The following ARNT variants were observed in gnomAD, a reference collection of about 807,000 sequenced individuals.
The protein encoded by ARNT is aryl hydrocarbon receptor nuclear translocator.
ARNT carries 30 observed loss-of-function variants against 105.0 expected under a neutral mutation model. The observed-to-expected ratio is 0.29, with a 90% CI of 0.21 to 0.39. The LOEUF (loss-of-function observed/expected upper bound fraction) is 0.39, where lower values mean the gene tolerates loss of function less well. Ranked by LOEUF, ARNT falls within the 10% of genes least tolerant of loss-of-function variation. The pLI, the probability that ARNT is intolerant of heterozygous loss-of-function variation, is 1.00. For synonymous variants in ARNT, 304 were observed against 344.0 expected, an observed-to-expected ratio of 0.88 and a Z score of 1.29; for missense variants, 748 against 978.7, an observed-to-expected ratio of 0.76 and a Z score of 3.15.
intron 1 of ARNT, among the ~76,000 whole-genome samples, chr1:150,864,259 A>T (rs1666153864): frequency 6.6e-6 from 1 of 152,108 alleles, no homozygotes. Flanking sequence ...ATCTTATGGG[A>T]CCACCATCAT....
At chr1:150,815,229 G>A (rs763397458) in intron 19 of ARNT, among the ~76,000 whole-genome samples, 5 of 151,868 alleles carry the variant, frequency 3.3e-5, no homozygotes, top group East Asian at 3.9e-4. Context: ...TTTATTGTGC[G>A]TTATATTATA....
intron 1 of ARNT, chr1:150,861,101 A>G: frequency 6.1e-6 from 1 of 164,912 alleles, no homozygotes; most frequent in Non-Finnish European, 1.3e-5. Context: ...AAAAATATAT[A>G]AATAAATAAA....
In ARNT at chr1:150,876,523, C is replaced by G; in HGVS notation, c.25+20G>C. On this transcript the variant is annotated intron_variant, in intron 1 of 21. Transcript: ENST00000358595. ...TCGGCCCCTCCCCTTTAGAGGCGCCCCAGTCCTCCGTCTCCTCACCGGGGT... is the reference window on the plus strand; with the variant it reads ...TCGGCCCCTCCCCTTTAGAGGCGCCGCAGTCCTCCGTCTCCTCACCGGGGT... The G allele has an allele frequency of 6.4e-7, 1 of 1,551,052 alleles. No individual in the cohort carries two copies. Among genetic ancestry groups the G allele is most frequent in the Non-Finnish European group, 8.7e-7 (1 of 1,147,826 alleles).
At chr1:150,815,748 C>T (rs1044084291) in intron 19 of ARNT, among the ~76,000 whole-genome samples, 4 of 150,140 alleles carry the variant, frequency 2.7e-5, no homozygotes, top group Non-Finnish European at 1.5e-5. Flanking sequence ...GTACAAGTCC[C>T]AGCTACTTGG....
At position 150,812,102 on chromosome 1, in the gene ARNT, C is replaced by T. The variant is rs767200065; in HGVS notation, c.2289G>A (p.Leu763=). ...TGTTGCTCTGATCTCCCAGCATGGACAGCATCTCCTGATAAAAGAAAAAGA... is the reference window on the plus strand; with the variant it reads ...TGTTGCTCTGATCTCCCAGCATGGATAGCATCTCCTGATAAAAGAAAAAGA... ...PGQPEVFQEM[L]SMLGDQSNSY... Residue 763 remains leucine, a synonymous_variant, in exon 22 of 22, where the codon CTG becomes CTA. Coordinates refer to ENST00000358595, the MANE Select transcript of ARNT (RefSeq NM_001668.4). 1.3e-6 allele frequency: 2 copies of T among 1,561,364 alleles called. No homozygotes were observed. The highest frequency in any genetic ancestry group is 1.4e-5 in the African/African-American group (1 of 72,746).
chr1:150,818,065 G>C (rs1470318059), intron 14 of ARNT, 35 bp from the exon 15 acceptor site: 2 of 1,439,710 alleles, frequency 1.4e-6, no homozygotes, highest in Non-Finnish European at 1.9e-6. Context: ...AGAGGGGGTG[G>C]AGAGGGAGGA....
Position 150,864,762 on chromosome 1 carries a change from TA to T in ARNT, c.26-6303del, listed in dbSNP as rs1249367917. Among the ~76,000 whole-genome samples, 185 of 80,346 alleles carry T rather than the reference TA, an allele frequency of 2.3e-3. 3 individuals carry two copies. The highest frequency in any genetic ancestry group is 7.2e-3 in the African/African-American group (175 of 24,206). 52.7% of individuals were successfully genotyped at this position (80,346 alleles called of 152,430 possible). ...ATGTACCCTAAAACTTAAAGTATAA[TA>T]AAAAATAAATAAATAAATAAATAAA... On this transcript the variant is annotated intron_variant, in intron 1 of 21. Transcript: ENST00000358595.
chr1:150,811,483 C>CACACACACAT lies in ARNT; in HGVS notation c.*537_*538insATGTGTGTGT. The CACACACACAT allele has an allele frequency of 4.6e-6, 1 of 218,378 alleles. No homozygotes were observed. Among genetic ancestry groups the CACACACACAT allele is most frequent in the East Asian group, 6.2e-5 (1 of 16,180 alleles). 13.5% of individuals were successfully genotyped at this position (218,378 alleles called of 1,614,324 possible). ...GCACACACACACACACACACATACA[C>CACACACACAT]ACACACTCTCTCTCACTTACTCACA... is the stretch of plus-strand genomic sequence containing the variant. On this transcript the variant is annotated 3_prime_UTR_variant, in exon 22 of 22. Transcript: ENST00000358595.
chr1:150,875,815 T>C (rs1038630289), intron 1 of ARNT, among the ~76,000 whole-genome samples: 5 of 152,186 alleles, frequency 3.3e-5, no homozygotes, highest in African/African-American at 1.2e-4. Context: ...CTGAAAGAGT[T>C]TGGAAATTGC....
At chr1:150,861,734 T>C (rs55979601) in intron 1 of ARNT, among the ~76,000 whole-genome samples, 1,844 of 152,192 alleles carry the variant, frequency 0.012, 23 homozygotes, top group Middle Eastern at 0.02. Flanking sequence ...CGGTAATTTT[T>C]ACCCAAAAAA....
chr1:150,859,460 T>C (rs587640284), intron 1 of ARNT, among the ~76,000 whole-genome samples: 9 of 151,816 alleles, frequency 5.9e-5, no homozygotes, highest in African/African-American at 2.2e-4. Flanking sequence ...GATCCTCCTG[T>C]CTCAGCTTCC....
At chr1:150,817,312 T>C in intron 16 of ARNT, 49 bp downstream of exon 16, 1 of 1,611,898 alleles carries the variant, frequency 6.2e-7, no homozygotes, top group Non-Finnish European at 8.5e-7. Context: ...GGAGAACACT[T>C]CCTAAGTAAA....
intron 3 of ARNT, among the ~76,000 whole-genome samples, chr1:150,852,323 C>T (rs1271650057): frequency 6.6e-6 from 1 of 152,126 alleles, no homozygotes; most frequent in Non-Finnish European, 1.5e-5. Context: ...TAGCCATCAC[C>T]ACATGAAAAA....
chr1:150,841,996 A>C (rs748024329), intron 5 of ARNT, among the ~76,000 whole-genome samples: 63 of 152,320 alleles, frequency 4.1e-4, no homozygotes, highest in Non-Finnish European at 7.2e-4. Context: ...AATAGGTGTG[A>C]GTTTCCTAGA....
chr1:150,867,159 G>A (rs985295059), intron 1 of ARNT, among the ~76,000 whole-genome samples: 17 of 151,802 alleles, frequency 1.1e-4, no homozygotes, highest in Admixed American at 3.9e-4. Context: ...AGCCAAGATC[G>A]CACCACTGCA....
chr1:150,842,607 G>A (rs963585665), intron 4 of ARNT, 139 bp from the exon 5 acceptor site: 1 of 664,952 alleles, frequency 1.5e-6, no homozygotes, highest in Non-Finnish European at 2.5e-6. Flanking sequence ...AAAGAAGAGA[G>A]AAAAGGATAT....
At chr1:150,858,503 C>G in intron 1 of ARNT, 43 bp from the exon 2 acceptor site, 3 of 1,421,082 alleles carry the variant, frequency 2.1e-6, no homozygotes, top group South Asian at 2.4e-5. Flanking sequence ...AAAAGACAGT[C>G]CTTGCTTATC....
At chr1:150,857,510 C>T (rs1664846124) in intron 2 of ARNT, among the ~76,000 whole-genome samples, 1 of 152,118 alleles carries the variant, frequency 6.6e-6, no homozygotes, top group Non-Finnish European at 1.5e-5. Flanking sequence ...TACCACTGAA[C>T]CCAAGCATCA....
chr1:150,829,670 T>A, intron 11 of ARNT: 2 of 580,132 alleles, frequency 3.4e-6, no homozygotes, highest in South Asian at 4.2e-5. Flanking sequence ...AAATTAAGCA[T>A]AGTAAAGCTA....
Sources: gnomAD v4.1 joint callset for allele counts (sites outside exome capture counted in the v4.1 genomes callset) on GRCh38, gnomAD v4.1.1 for gene constraint, MANE v1.5 for transcripts, NCBI Gene and HGNC (gene_info 2026-07-23, HGNC 2026-07-21) for gene names.